CNKSR2: variants seen among roughly 807,000 people sequenced by gnomAD.
CNKSR2 encodes connector enhancer of kinase suppressor of Ras 2.
CNKSR2 carries 14 observed loss-of-function variants against 84.4 expected under a neutral mutation model. The ratio of observed to expected loss-of-function variants is 0.17; its 90% CI spans 0.11 to 0.26. The LOEUF (loss-of-function observed/expected upper bound fraction) is 0.26. CNKSR2 is among the 10% of genes least tolerant of loss of function. The pLI, the probability that CNKSR2 is intolerant of heterozygous loss-of-function variation, is 1.00. For synonymous variants in CNKSR2, 275 were observed against 277.9 expected (o/e 0.99, Z 0.10); for missense variants, 485 against 771.2 (o/e 0.63, Z 4.40).
At chrX:21,487,557 T>C (rs1450303973) in intron 5 of CNKSR2, among the ~76,000 whole-genome samples, 1 of 112,115 alleles carries the variant, frequency 8.9e-6, no homozygotes, top group African/African-American at 3.2e-5. Flanking sequence ...ATTAGCATGC[T>C]ATCCAAGTAT....
chrX:21,444,883 GA>G (rs1425710450), intron 4 of CNKSR2, among the ~76,000 whole-genome samples: 44 of 111,138 alleles, frequency 4.0e-4, no homozygotes, highest in African/African-American at 1.3e-3. Context: ...ATGTAATACA[GA>G]AATTAATTTT....
chrX:21,520,134 C>T (rs1419445704), intron 9 of CNKSR2, among the ~76,000 whole-genome samples: 1 of 111,460 alleles, frequency 9.0e-6, no homozygotes, highest in Non-Finnish European at 1.9e-5. Flanking sequence ...ACTTCATGCT[C>T]ACAGAGCAAT....
intron 11 of CNKSR2, among the ~76,000 whole-genome samples, chrX:21,554,381 A>G (rs1472182327): frequency 1.8e-5 from 2 of 111,518 alleles, no homozygotes; most frequent in Non-Finnish European, 3.8e-5. Context: ...GGATTGTTAC[A>G]TAGGTAAACC....
chrX:21,569,647 C>T (rs1219961691), intron 13 of CNKSR2, among the ~76,000 whole-genome samples: 2 of 112,159 alleles, frequency 1.8e-5, no homozygotes, highest in East Asian at 2.8e-4. Context: ...TGAATTCTTT[C>T]GACAAGGTTT....
chrX:21,464,153 T>G (rs1371165063), intron 4 of CNKSR2, among the ~76,000 whole-genome samples: 1 of 112,387 alleles, frequency 8.9e-6, no homozygotes, highest in African/African-American at 3.2e-5. Context: ...TGGTGATTGA[T>G]TCCCCTCTGG....
intron 1 of CNKSR2, among the ~76,000 whole-genome samples, chrX:21,376,717 G>A (rs754073036): frequency 7.1e-5 from 8 of 112,086 alleles, no homozygotes; most frequent in Non-Finnish European, 1.3e-4. Context: ...TTTAGTTTGA[G>A]TCTGTTGCTG....
At chrX:21,580,903 GTCAAACA>G (rs2092348994) in intron 13 of CNKSR2, among the ~76,000 whole-genome samples, 1 of 111,593 alleles carries the variant, frequency 9.0e-6, no homozygotes, top group Non-Finnish European at 1.9e-5. Context: ...AACGGTTTCT[GTCAAACA>G]GAAGTGTCAG....
At chrX:21,392,218 C>G (rs925178908) in intron 1 of CNKSR2, among the ~76,000 whole-genome samples, 7 of 111,919 alleles carry the variant, frequency 6.3e-5, no homozygotes, top group Non-Finnish European at 1.1e-4. Context: ...CTGTTCCAAC[C>G]TCTGCCCATT....
intron 13 of CNKSR2, among the ~76,000 whole-genome samples, chrX:21,568,914 T>A (rs1174074285): frequency 9.0e-6 from 1 of 111,417 alleles, no homozygotes; most frequent in East Asian, 2.8e-4. Context: ...TAACAACAGT[T>A]GTATAGTGGC....
intron 1 of CNKSR2, among the ~76,000 whole-genome samples, chrX:21,388,386 T>G (rs1483220044): frequency 2.7e-5 from 3 of 112,133 alleles, no homozygotes; most frequent in Non-Finnish European, 5.6e-5. Flanking sequence ...TAATTCCTAT[T>G]GAACATTTGA....
rs752512599 is a variant in CNKSR2, at chrX:21,516,531, C to T, written c.857C>T (p.Pro286Leu). 3 of 1,208,895 alleles carry T rather than the reference C, an allele frequency of 2.5e-6. No individual in the cohort carries two copies. Among genetic ancestry groups the T allele is most frequent in the East Asian group, 3.0e-5 (1 of 33,714 alleles). The change falls in exon 9 of 22, where the codon CCG becomes CTG. Residue 286 changes from proline to leucine, a missense_variant. Around this residue, in one of 5 missense-constraint regions of CNKSR2, gnomAD observed 4 missense variants for 36.6 expected, o/e 0.11. Coordinates refer to ENST00000379510, the MANE Select transcript of CNKSR2 (RefSeq NM_014927.5). ...KNLVNALRED[P>L]SGVILTLKKR... Reference sequence around the variant, plus strand: ...TTGGTGAATGCACTACGAGAGGACCCGAGTGGTGTTATCTTAACTTTGAAA... The same window carrying T: ...TTGGTGAATGCACTACGAGAGGACCTGAGTGGTGTTATCTTAACTTTGAAA...
intron 17 of CNKSR2, among the ~76,000 whole-genome samples, chrX:21,595,639 A>G (rs376656202): frequency 6.1e-4 from 68 of 111,706 alleles, no homozygotes; most frequent in African/African-American, 1.9e-3. Flanking sequence ...AAAATCTACC[A>G]CCAAAAAAAG....
intron 4 of CNKSR2, among the ~76,000 whole-genome samples, chrX:21,458,765 C>T (rs183528199): frequency 3.7e-4 from 41 of 110,624 alleles, no homozygotes; most frequent in African/African-American, 1.3e-3. Flanking sequence ...TCCCACCCTC[C>T]ACCTTCCAAT....
intron 5 of CNKSR2, among the ~76,000 whole-genome samples, chrX:21,473,879 T>C (rs1170728548): frequency 1.9e-5 from 2 of 105,937 alleles, no homozygotes; most frequent in African/African-American, 7.0e-5. Flanking sequence ...CCCGAGTAGC[T>C]GGGACTACAG....
intron 20 of CNKSR2, among the ~76,000 whole-genome samples, chrX:21,640,277 C>G (rs1286616559): frequency 1.8e-5 from 2 of 111,689 alleles, no homozygotes. Flanking sequence ...AAATTAAGAA[C>G]AGTTTAAACT....
chrX:21,428,605 T>C (rs1443345531), intron 2 of CNKSR2: 2 of 111,677 alleles, frequency 1.8e-5, no homozygotes, highest in Admixed American at 9.5e-5. Context: ...AGCAAAGATA[T>C]TAACTGAAAG....
rs1275313534 is a variant in CNKSR2 at position 21,601,844 on chromosome X, AG to A, written c.2044+496del. ...TATTGACCTCAGATTTATGAAACAC[AG>A]TGTTATGGTGCAGAATTGAAATCTT... On this transcript the variant is annotated intron_variant, in intron 18 of 21. Coordinates refer to ENST00000379510, the MANE Select transcript of CNKSR2 (RefSeq NM_014927.5). Among the ~76,000 whole-genome samples the A allele has an allele frequency of 9.8e-5, 11 of 112,044 alleles. No homozygotes were observed. The Admixed American group carries it at 1.0e-3, about 11-fold the overall frequency.
chrX:21,530,256 A>G (rs2091873569), intron 10 of CNKSR2, among the ~76,000 whole-genome samples: 1 of 111,760 alleles, frequency 8.9e-6, no homozygotes. Context: ...AGTAAATTGT[A>G]ATGTAAATGG....
At chrX:21,453,977 A>T (rs2090967689) in intron 4 of CNKSR2, among the ~76,000 whole-genome samples, 1 of 111,912 alleles carries the variant, frequency 8.9e-6, no homozygotes, top group African/African-American at 3.2e-5. Flanking sequence ...CTCCTCCAAC[A>T]CTGGGGATCA....
Sources: gnomAD v4.1 joint callset for allele counts (sites outside exome capture counted in the v4.1 genomes callset) on GRCh38, gnomAD v4.1.1 for gene constraint, gnomAD v4.1.1 regional missense constraint, MANE v1.5 for transcripts, NCBI Gene and HGNC (gene_info 2026-07-23, HGNC 2026-07-21) for gene names.